Variants in CCDC93 observed in about 807,000 individuals in gnomAD.
CCDC93 encodes coiled-coil domain-containing protein 93.
CCDC93 carries 61 observed loss-of-function variants against 108.2 expected under a neutral mutation model. The observed-to-expected ratio is 0.56, with a 90% CI of 0.46 to 0.70. The LOEUF is 0.70. Ranked by LOEUF, CCDC93 falls within the 30% of genes least tolerant of loss-of-function variation. The pLI is 0.00. For synonymous variants in CCDC93, 276 were observed against 260.4 expected (o/e 1.06, Z -0.58); for missense variants, 685 against 764.2 (o/e 0.90, Z 1.22).
intron 1 of CCDC93, 48 bp downstream of exon 1, chr2:118,013,906 C>T: frequency 1.3e-6 from 2 of 1,509,210 alleles, no homozygotes; most frequent in African/African-American, 1.4e-5. Flanking sequence ...CGGCTCGGCC[C>T]TCTCTTCAGG....
intron 3 of CCDC93, among the ~76,000 whole-genome samples, chr2:118,006,373 T>G (rs1676869011): frequency 6.6e-6 from 1 of 152,028 alleles, no homozygotes; most frequent in South Asian, 2.1e-4. Flanking sequence ...TCAGGTGAGA[T>G]CTCTAGCAAG....
At chr2:117,945,065 G>C (rs1351627612) in intron 17 of CCDC93, among the ~76,000 whole-genome samples, 5 of 152,182 alleles carry the variant, frequency 3.3e-5, no homozygotes, top group Non-Finnish European at 1.5e-5. Flanking sequence ...TTCATTTACA[G>C]ATCAACTATG....
Position 117,961,784 on chromosome 2 carries a change from A to G in CCDC93, c.889-3303T>C, listed in dbSNP as rs533965699. The stretch of plus-strand genomic sequence containing the variant: ...AGGAGAAGAGGAAAAGGGGCTTTAT[A>G]CTAAATCCTTGACAGAAAAAATTTA... On this transcript the variant is annotated intron_variant, in intron 11 of 23. Coordinates refer to ENST00000376300, the MANE Select transcript of CCDC93 (RefSeq NM_019044.5). Among the ~76,000 whole-genome samples, 3 of 152,342 alleles carry G rather than the reference A, an allele frequency of 2.0e-5. No individual in the cohort carries two copies. In the South Asian group the frequency reaches 6.2e-4, roughly 32 times the overall value.
At chr2:117,960,862 TTAA>T (rs1679370085) in intron 11 of CCDC93, among the ~76,000 whole-genome samples, 1 of 152,252 alleles carries the variant, frequency 6.6e-6, no homozygotes, top group South Asian at 2.1e-4. Flanking sequence ...TGATCTGATG[TTAA>T]TATTAATGTG....
Position 117,924,269 on chromosome 2 carries a change from G to T in CCDC93, c.1843-3873C>A, listed in dbSNP as rs1223892191. ...AGCTCCTCACCAGCAATGGAACAAA[G>T]CTGGACAGAGAATGACTTTGATGAG... On this transcript the variant is annotated intron_variant, in intron 23 of 23. Coordinates refer to ENST00000376300, the MANE Select transcript of CCDC93 (RefSeq NM_019044.5). Among the ~76,000 whole-genome samples the T allele has an allele frequency of 3.9e-5, 6 of 152,214 alleles. No homozygotes were observed. In the East Asian group the frequency reaches 1.2e-3, roughly 29 times the overall value.
chr2:117,953,779 G>A (rs369478871), intron 12 of CCDC93, among the ~76,000 whole-genome samples: 3 of 150,998 alleles, frequency 2.0e-5, no homozygotes, highest in East Asian at 1.9e-4. Context: ...CTGTGGTCCC[G>A]ACTATGTGGA....
At chr2:117,957,992 T>C (rs1015559395) in intron 12 of CCDC93, among the ~76,000 whole-genome samples, 1 of 152,210 alleles carries the variant, frequency 6.6e-6, no homozygotes, top group African/African-American at 2.4e-5. Flanking sequence ...TCCCAATAGC[T>C]AGTTCAGTGC....
Position 118,000,881 on chromosome 2 carries a change from G to A in CCDC93, c.303C>T (p.His101=). Residue 101 remains histidine (H), a synonymous_variant, in exon 4 of 24, where the codon CAC becomes CAT. Coordinates refer to ENST00000376300, the MANE Select transcript of CCDC93 (RefSeq NM_019044.5). ...VSVLPRMKCP[H]QLEPHQIQGM... ...CCTGGATCTGGTGGGGCTCCAGCTG[G>A]TGTGGGCATTTCATCCTTGGCAGGA... is the stretch of plus-strand genomic sequence containing the variant. 6.2e-7 allele frequency: 1 copy of A among 1,613,858 alleles called. No individual in the cohort carries two copies. Among genetic ancestry groups the A allele is most frequent in the South Asian group, 1.1e-5 (1 of 91,062 alleles).
Position 117,935,556 on chromosome 2 carries a change from C to G in CCDC93, c.1667G>C (p.Arg556Pro). 6.2e-7 allele frequency: 1 copy of G among 1,613,856 alleles called. No homozygotes were observed. The highest frequency in any genetic ancestry group is 8.5e-7 in the Non-Finnish European group (1 of 1,179,836). ...TTCCATCTGACGTAAAAACTGGTCC[C>G]GGGCAGCAGGGGAGGCCATGGCCCT... Reference protein sequence around the residue: ...FSQAMASPAARDQFLRQMEQI... With the variant: ...FSQAMASPAAPDQFLRQMEQI... Residue 556 changes from arginine to proline, a missense_variant, in exon 22 of 24, where the codon CGG becomes CCG. Transcript: ENST00000376300.
At chr2:117,995,736 T>C in intron 5 of CCDC93, 4 of 453,148 alleles carry the variant, frequency 8.8e-6, no homozygotes, top group Non-Finnish European at 1.6e-5. Context: ...TCATAAGGAA[T>C]AGTGCTTAAG....
Position 117,945,547 on chromosome 2 carries a change from G to C in CCDC93, c.1332C>G (p.Thr444=). 6.2e-7 allele frequency: 1 copy of C among 1,613,950 alleles called. No individual in the cohort carries two copies. The change falls in exon 17 of 24, where the codon ACC becomes ACG. Residue 444 remains threonine (T), a synonymous_variant. Transcript: ENST00000376300. The part of the protein sequence containing the change: ...LSSGEPPGTL[T]SAMTHDEDLD... The stretch of plus-strand genomic sequence containing the variant: ...TACTTACGTCATGAGTCATTGCAGA[G>C]GTCAAGGTACCAGGCGGCTCTCCAC...
rs542130085 is a variant in CCDC93, at chr2:117,976,775, G to A, written c.657+1219C>T. Among the ~76,000 whole-genome samples the A allele has an allele frequency of 2.6e-5, 4 of 152,258 alleles. No homozygotes were observed. In the South Asian group the frequency reaches 8.3e-4, roughly 32 times the overall value. On this transcript the variant is annotated intron_variant, in intron 8 of 23. Coordinates refer to ENST00000376300, the MANE Select transcript of CCDC93 (RefSeq NM_019044.5). Reference sequence around the variant, plus strand: ...AGAACAGTGCTCCTAGTCACTGCTGGTGCCTGCAGCGACTGAGACAACAGT... The same window carrying A: ...AGAACAGTGCTCCTAGTCACTGCTGATGCCTGCAGCGACTGAGACAACAGT...
intron 6 of CCDC93, among the ~76,000 whole-genome samples, chr2:117,991,070 AAC>A (rs1680462894): frequency 6.6e-6 from 1 of 152,246 alleles, no homozygotes; most frequent in South Asian, 2.1e-4. Context: ...AAAAAATTCA[AAC>A]AGTCTTCTAA....
At chr2:117,938,919 C>T in intron 20 of CCDC93, 110 bp downstream of exon 20, 1 of 613,288 alleles carries the variant, frequency 1.6e-6, no homozygotes, top group South Asian at 2.1e-5. Context: ...AATAGGCACT[C>T]TTTCTGCTAA....
chr2:117,973,500 C>A (rs934125142), intron 11 of CCDC93, among the ~76,000 whole-genome samples: 7 of 150,824 alleles, frequency 4.6e-5, no homozygotes, highest in African/African-American at 1.7e-4. Flanking sequence ...ACAAAAAATT[C>A]TGCCTCGGGT....
At chr2:117,990,142 C>T (rs755209636) in intron 6 of CCDC93, among the ~76,000 whole-genome samples, 9 of 152,214 alleles carry the variant, frequency 5.9e-5, no homozygotes, top group Non-Finnish European at 1.0e-4. Flanking sequence ...AAAGACCTCA[C>T]TTCACAGGAC....
At chr2:118,000,715 C>A in intron 4 of CCDC93, 106 bp downstream of exon 4, 1 of 678,812 alleles carries the variant, frequency 1.5e-6, no homozygotes, top group Non-Finnish European at 2.6e-6. Flanking sequence ...TAAGCCACAC[C>A]CATTACATTC....
At chr2:117,988,598 C>T (rs777641683) in intron 6 of CCDC93, among the ~76,000 whole-genome samples, 4 of 152,164 alleles carry the variant, frequency 2.6e-5, no homozygotes, top group Admixed American at 6.5e-5. Context: ...CTATGTGTCC[C>T]GTCAGTAATT....
At chr2:118,004,745 G>A (rs931976137) in intron 3 of CCDC93, among the ~76,000 whole-genome samples, 3 of 152,130 alleles carry the variant, frequency 2.0e-5, no homozygotes, top group African/African-American at 4.8e-5. Context: ...ACGTAAACCC[G>A]TCTCCAGCTT....
Sources: gnomAD v4.1 joint callset for allele counts (sites outside exome capture counted in the v4.1 genomes callset) on GRCh38, gnomAD v4.1.1 for gene constraint, MANE v1.5 for transcripts, NCBI Gene and HGNC (gene_info 2026-07-23, HGNC 2026-07-21) for gene names.